The following STK32B variants were observed in gnomAD, a reference collection of about 807,000 sequenced individuals.
The protein encoded by STK32B is serine/threonine-protein kinase 32B.
In STK32B, 43 loss-of-function variants were observed where a neutral mutation model predicts 52.6. That is an observed-to-expected ratio of 0.82 (90% CI 0.64 to 1.05). The LOEUF (loss-of-function observed/expected upper bound fraction) is 1.05, where lower values mean the gene tolerates loss of function less well. STK32B is among the 50% of genes least tolerant of loss of function. The pLI is 0.00. For synonymous variants in STK32B, 238 were observed against 204.3 expected (o/e 1.17, Z -1.41); for missense variants, 621 against 534.6 (o/e 1.16, Z -1.59).
intron 11 of STK32B, among the ~76,000 whole-genome samples, chr4:5,495,155 A>G (rs1197345911): frequency 1.3e-5 from 2 of 152,174 alleles, no homozygotes; most frequent in Non-Finnish European, 2.9e-5. Context: ...CTCCTGGATA[A>G]TATCCTGCAG....
intron 3 of STK32B, among the ~76,000 whole-genome samples, chr4:5,277,568 A>G (rs1261852916): frequency 6.6e-6 from 1 of 152,196 alleles, no homozygotes; most frequent in Non-Finnish European, 1.5e-5. Context: ...ACATGCGGAT[A>G]AAATCTCTTT....
intron 3 of STK32B, among the ~76,000 whole-genome samples, chr4:5,330,044 T>C (rs1732130026): frequency 6.6e-6 from 1 of 152,180 alleles, no homozygotes; most frequent in Non-Finnish European, 1.5e-5. Context: ...TGTATGGTCA[T>C]CAGGACACTG....
At position 5,395,028 on chromosome 4, in the gene STK32B, C is replaced by A. The variant is rs1184883925; in HGVS notation, c.435-3179C>A. ...TGGAACATGGGGTGGGGTTCTCTCC[C>A]AGGCTCTTGTGGTTGTTGGCAGATT... On this transcript the variant is annotated intron_variant, in intron 4 of 11. Transcript: ENST00000282908. The surrounding 1 kb of genome is among the most constrained non-coding windows in gnomAD (Gnocchi z 4.4). Among the ~76,000 whole-genome samples the A allele has an allele frequency of 1.3e-5, 2 of 152,178 alleles. No homozygotes were observed. The highest frequency in any genetic ancestry group is 3.9e-4 in the East Asian group (2 of 5,192).
intron 3 of STK32B, among the ~76,000 whole-genome samples, chr4:5,278,738 T>A (rs1210660155): frequency 6.6e-6 from 1 of 152,106 alleles, no homozygotes. Flanking sequence ...TAAAAGAGAT[T>A]TAATTGTCTC....
chr4:5,270,969 G>T (rs990314381), intron 3 of STK32B, among the ~76,000 whole-genome samples: 1 of 147,888 alleles, frequency 6.8e-6, no homozygotes, highest in African/African-American at 2.5e-5. Flanking sequence ...GAGACAGAGT[G>T]CTGTGTCACC....
At chr4:5,316,163 C>T (rs183605415) in intron 3 of STK32B, among the ~76,000 whole-genome samples, 41 of 81,098 alleles carry the variant, frequency 5.1e-4, no homozygotes, top group African/African-American at 1.7e-3. Context: ...ATATATATAA[C>T]TAAATATATA....
intron 8 of STK32B, chr4:5,458,588 CT>C (rs56323546): frequency 0.36 from 54,382 of 152,096 alleles, 10,542 homozygotes; most frequent in Non-Finnish European, 0.43. Flanking sequence ...GCTATAATGG[CT>C]TGTTGAATTA....
chr4:5,283,659 C>T (rs1728352321), intron 3 of STK32B, among the ~76,000 whole-genome samples: 1 of 152,124 alleles, frequency 6.6e-6, no homozygotes, highest in African/African-American at 2.4e-5. Context: ...AGCAGAAACC[C>T]TGCAGGCCAG....
chr4:5,209,535 A>G lies in STK32B; in HGVS notation c.260+41085A>G, dbSNP rs1361828096. ...CACTGTGCCCAGCCTAGAGCTTACGATTTCTTGAATGGGGCAACCAGTGGT... is the reference window on the plus strand; with the variant it reads ...CACTGTGCCCAGCCTAGAGCTTACGGTTTCTTGAATGGGGCAACCAGTGGT... On this transcript the variant is annotated intron_variant, in intron 3 of 11. Coordinates refer to ENST00000282908, the MANE Select transcript of STK32B (RefSeq NM_018401.3). Among the ~76,000 whole-genome samples, 4 of 152,244 alleles carry G rather than the reference A, an allele frequency of 2.6e-5. No individual in the cohort carries two copies. In the East Asian group the frequency reaches 5.8e-4, roughly 22 times the overall value.
At chr4:5,291,357 TAA>T (rs1728883193) in intron 3 of STK32B, among the ~76,000 whole-genome samples, 1 of 152,172 alleles carries the variant, frequency 6.6e-6, no homozygotes, top group African/African-American at 2.4e-5. Context: ...GTTTTCAGTG[TAA>T]AAGTCTTGTA....
intron 3 of STK32B, among the ~76,000 whole-genome samples, chr4:5,251,042 GA>G (rs1725893143): frequency 6.6e-6 from 1 of 151,970 alleles, no homozygotes; most frequent in Admixed American, 6.6e-5. Flanking sequence ...TCTTTTGCGG[GA>G]CAGAAGCTCT....
At chr4:5,021,993 A>T in the STK32B span, among the ~76,000 whole-genome samples, 12 of 152,188 alleles carry the variant, frequency 7.9e-5, no homozygotes, top group African/African-American at 2.2e-4. Context: ...ACCAGAGGAG[A>T]GGGTGCCTCG....
chr4:5,143,516 C>G (rs1050178765), intron 2 of STK32B, among the ~76,000 whole-genome samples: 3 of 152,140 alleles, frequency 2.0e-5, no homozygotes, highest in African/African-American at 7.2e-5. Flanking sequence ...GTTCAGTTCT[C>G]AAGGCTTGGA....
intron 11 of STK32B, among the ~76,000 whole-genome samples, chr4:5,479,566 C>G (rs183959034): frequency 2.6e-5 from 4 of 152,290 alleles, no homozygotes; most frequent in African/African-American, 9.6e-5. Context: ...TTCTCCATTT[C>G]AATTCTATGT....
chr4:5,313,319 C>A (rs918063116), intron 3 of STK32B, among the ~76,000 whole-genome samples: 1 of 151,966 alleles, frequency 6.6e-6, no homozygotes, highest in African/African-American at 2.4e-5. Context: ...GAGAGCATCT[C>A]TGCATCTAAC....
At chr4:5,216,671 C>T (rs1459303600) in intron 3 of STK32B, among the ~76,000 whole-genome samples, 1 of 152,084 alleles carries the variant, frequency 6.6e-6, no homozygotes, top group Non-Finnish European at 1.5e-5. Context: ...AGAAAGACAG[C>T]CAGTGTGATG....
At chr4:5,468,844 C>T (rs1717637171) in intron 11 of STK32B, among the ~76,000 whole-genome samples, 3 of 151,958 alleles carry the variant, frequency 2.0e-5, no homozygotes, top group African/African-American at 4.8e-5. Context: ...GGGCAGATCA[C>T]GAGGTCAGGA....
At chr4:5,161,848 C>T (rs186926636) in intron 2 of STK32B, among the ~76,000 whole-genome samples, 3 of 151,798 alleles carry the variant, frequency 2.0e-5, no homozygotes, top group Admixed American at 1.3e-4. Flanking sequence ...CCCCCACCCA[C>T]CCCAAATCGG....
chr4:5,436,892 T>A (rs1024915800), intron 6 of STK32B, among the ~76,000 whole-genome samples: 1 of 152,200 alleles, frequency 6.6e-6, no homozygotes. Flanking sequence ...AGCCCTGCGA[T>A]GTTGACATCT....
Sources: allele counts gnomAD v4.1 joint callset (sites outside exome capture counted in the v4.1 genomes callset), GRCh38; gene constraint gnomAD v4.1.1; non-coding constraint Gnocchi (gnomAD v3.1); transcripts MANE v1.5; gene names NCBI Gene and HGNC (gene_info 2026-07-23, HGNC 2026-07-21).